CCNJL: variants seen among roughly 807,000 people sequenced by gnomAD.
CCNJL encodes the protein cyclin J like, also known as cyclin-J-like protein.
A neutral mutation model predicts 33.4 loss-of-function variants in CCNJL; 33 were observed. The ratio of observed to expected loss-of-function variants is 0.99; its 90% CI spans 0.75 to 1.32. The LOEUF (loss-of-function observed/expected upper bound fraction) is 1.32. Ranked by LOEUF, CCNJL falls within the 40% of genes most tolerant of loss-of-function variation. The probability of loss-of-function intolerance (pLI) is 0.00; values close to 1 mark genes in which losing one functional copy is unlikely to be tolerated. For missense variants in CCNJL, 512 were observed against 499.7 expected (o/e 1.02, Z -0.23); for synonymous variants, 227 against 220.9 (o/e 1.03, Z -0.24).
chr5:160,312,725 G>A (rs527243358), upstream of CCNJL: 24 of 152,112 alleles, frequency 1.6e-4, no homozygotes, highest in East Asian at 4.3e-3. Context: ...CCTCGCTTCG[G>A]CGGAAAGCTT....
At position 160,320,838 on chromosome 5, in the gene CCNJL, T is replaced by TTTCC. The variant is rs1491331426; in HGVS notation, n.207-5334_207-5333insGGAA. On this transcript the variant is annotated intron_variant and non_coding_transcript_variant, in intron 1 of 7. Coordinates refer to the CCNJL transcript ENST00000377503. Reference sequence around the variant, plus strand: ...CTTTCTTTCTTTCTTTCTTTCTTTCTTTCTTTCTTTCCTTCTTTCTTTCTT... The same window carrying TTTCC: ...CTTTCTTTCTTTCTTTCTTTCTTTCTTTCCTTCTTTCTTTCCTTCTTTCTTTCTT... Among the ~76,000 whole-genome samples, 953 of 106,918 alleles carry TTTCC rather than the reference T, an allele frequency of 8.9e-3. 7 individuals carry two copies. The highest frequency in any genetic ancestry group is 0.011 in the African/African-American group (311 of 28,598). 70.1% of individuals were successfully genotyped at this position (106,918 alleles called of 152,430 possible). A position where few individuals can be genotyped will look rare whatever the true frequency, so the allele number is the denominator to read the frequency against.
chr5:160,309,692 A>C (rs1763203376), intron 2 of CCNJL, among the ~76,000 whole-genome samples: 1 of 152,220 alleles, frequency 6.6e-6, no homozygotes, highest in African/African-American at 2.4e-5. Flanking sequence ...ATTTTTGAAG[A>C]AGCATTTTCT....
intron 2 of CCNJL, among the ~76,000 whole-genome samples, chr5:160,310,595 C>A (rs1032208301): frequency 6.6e-6 from 1 of 152,244 alleles, no homozygotes; most frequent in African/African-American, 2.4e-5. Context: ...CTGTATTGGG[C>A]GCAGTAGTGT....
At chr5:160,262,776 A>T (rs1464339792) in intron 3 of CCNJL, among the ~76,000 whole-genome samples, 3 of 152,206 alleles carry the variant, frequency 2.0e-5, no homozygotes, top group Non-Finnish European at 2.9e-5. Context: ...CAGCCAGAAA[A>T]GATTTTATGA....
At chr5:160,300,906 G>C (rs1762900343) in intron 2 of CCNJL, among the ~76,000 whole-genome samples, 1 of 152,106 alleles carries the variant, frequency 6.6e-6, no homozygotes, top group Admixed American at 6.6e-5. Context: ...GTAATATCCA[G>C]GGTTAGCAAA....
At chr5:160,265,926 A>G (rs1033774564) in intron 3 of CCNJL, among the ~76,000 whole-genome samples, 2 of 152,202 alleles carry the variant, frequency 1.3e-5, no homozygotes, top group African/African-American at 4.8e-5. Context: ...ATTCTTCCAC[A>G]AGAATGGCCG....
chr5:160,300,778 A>G (rs1014300957), intron 2 of CCNJL, among the ~76,000 whole-genome samples: 11 of 152,004 alleles, frequency 7.2e-5, no homozygotes, highest in Admixed American at 5.2e-4. Flanking sequence ...TCCCATTTCA[A>G]CTTCTCTAGT....
upstream of CCNJL, among the ~76,000 whole-genome samples, chr5:160,313,563 G>C (rs938265281): frequency 2.0e-5 from 3 of 152,178 alleles, no homozygotes; most frequent in African/African-American, 7.2e-5. Flanking sequence ...AATTAAATCA[G>C]CTTTGATAAG....
At position 160,253,903 on chromosome 5, in the gene CCNJL, CCT is replaced by C. The variant is rs1760939580; in HGVS notation, c.744-107_744-106del. On this transcript the variant is annotated intron_variant, in intron 5 of 5. Transcript: ENST00000257536. ...GTGGGACTGGAAGAGATGCGTGTGT[CCT>C]GTGTCCACCAGGCCTTACCTGGCTG... is the stretch of plus-strand genomic sequence containing the variant. The C allele has an allele frequency of 1.6e-5, 13 of 825,870 alleles. No individual in the cohort carries two copies. The South Asian group carries it at 2.7e-4, about 17-fold the overall frequency. The allele number at this position is 825,870 out of a possible 1,614,324, so 51.2% of individuals were successfully genotyped here.
chr5:160,317,641 T>C (rs1763394372), upstream of CCNJL, among the ~76,000 whole-genome samples: 1 of 151,874 alleles, frequency 6.6e-6, no homozygotes, highest in African/African-American at 2.4e-5. Context: ...GGGCATGGGG[T>C]GGGGGGAGTA....
At chr5:160,278,905 T>C (rs558048991) in intron 3 of CCNJL, among the ~76,000 whole-genome samples, 1 of 152,128 alleles carries the variant, frequency 6.6e-6, no homozygotes, top group Non-Finnish European at 1.5e-5. Flanking sequence ...GGCTGCACGT[T>C]GATTTGGGGT....
At chr5:160,283,235 G>A (rs958328210) in intron 2 of CCNJL, among the ~76,000 whole-genome samples, 8 of 151,676 alleles carry the variant, frequency 5.3e-5, no homozygotes, top group Non-Finnish European at 1.0e-4. Flanking sequence ...AGTGAAAAAA[G>A]CTAGTCGTAA....
chr5:160,286,163 T>G (rs538971148), intron 2 of CCNJL, among the ~76,000 whole-genome samples: 17 of 152,194 alleles, frequency 1.1e-4, no homozygotes, highest in Non-Finnish European at 2.9e-5. Context: ...ACAAGTCAGA[T>G]AGGCAACGTC....
intron 3 of CCNJL, among the ~76,000 whole-genome samples, chr5:160,271,842 T>C (rs1184693347): frequency 6.6e-6 from 1 of 152,282 alleles, no homozygotes; most frequent in Non-Finnish European, 1.5e-5. Context: ...GCATTTCAAA[T>C]GCTCTCCACG....
intron 2 of CCNJL, among the ~76,000 whole-genome samples, chr5:160,283,095 A>G (rs1200458578): frequency 2.0e-5 from 3 of 148,430 alleles, no homozygotes; most frequent in African/African-American, 7.4e-5. Context: ...AGCATCATTC[A>G]TAACAGTTCC....
intron 2 of CCNJL, among the ~76,000 whole-genome samples, chr5:160,297,654 C>CAAA (rs59634260): frequency 7.4e-5 from 8 of 107,606 alleles, no homozygotes; most frequent in South Asian, 3.1e-4. Context: ...TCTCTATTTA[C>CAAA]AAAAAAAAAA....
chr5:160,309,404 T>C (rs2421780), intron 2 of CCNJL, among the ~76,000 whole-genome samples: 130,996 of 152,256 alleles, frequency 0.86, 56,742 homozygotes, highest in African/African-American at 0.95. Flanking sequence ...GTGAGGATAA[T>C]TGCTTGTGGT....
At chr5:160,326,714 C>T in intron 1 of CCNJL, 3 of 909,352 alleles carry the variant, frequency 3.3e-6, no homozygotes, top group Non-Finnish European at 5.4e-6. Context: ...TGGCCAGGGC[C>T]AGAAAGTGCA....
intron 2 of CCNJL, among the ~76,000 whole-genome samples, chr5:160,306,079 G>C (rs552472309): frequency 8.3e-4 from 127 of 152,170 alleles, no homozygotes; most frequent in Admixed American, 1.7e-3. Flanking sequence ...TTAGAGACCA[G>C]CCTGGCCAAC....
Sources: allele counts gnomAD v4.1 joint callset (sites outside exome capture counted in the v4.1 genomes callset), GRCh38; gene constraint gnomAD v4.1.1; transcripts MANE v1.5; gene names NCBI Gene and HGNC (gene_info 2026-07-23, HGNC 2026-07-21).